Variants in ADCY2 observed in about 807,000 individuals in gnomAD.
ADCY2 encodes adenylate cyclase 2, also known as adenylate cyclase type 2.
Under a neutral mutation model 125.2 loss-of-function variants are expected in ADCY2, and 31 were observed. The observed-to-expected ratio is 0.25, with a 90% CI of 0.19 to 0.33. The LOEUF is 0.33. Ranked by LOEUF, ADCY2 falls within the 10% of genes least tolerant of loss-of-function variation. The probability of loss-of-function intolerance (pLI) is 1.00; values close to 1 mark genes in which losing one functional copy is unlikely to be tolerated. For synonymous variants in ADCY2, 512 were observed against 548.4 expected, an observed-to-expected ratio of 0.93 and a Z score of 0.93; for missense variants, 904 against 1,418.2, an observed-to-expected ratio of 0.64 and a Z score of 5.82.
chr5:7,626,389 A>G (rs1241326255), intron 4 of ADCY2, 73 bp downstream of exon 4: 30 of 1,510,432 alleles, frequency 2.0e-5, no homozygotes, highest in Non-Finnish European at 2.7e-5. Context: ...ATTAATGTTG[A>G]GTGTCGTTCA....
intron 19 of ADCY2, among the ~76,000 whole-genome samples, chr5:7,785,791 G>A (rs1744066479): frequency 6.6e-6 from 1 of 152,112 alleles, no homozygotes; most frequent in Non-Finnish European, 1.5e-5. Context: ...TTTCCTGCTA[G>A]AATCATCTCT....
At chr5:7,446,028 G>A (rs140584143) in intron 2 of ADCY2, among the ~76,000 whole-genome samples, 4 of 152,192 alleles carry the variant, frequency 2.6e-5, no homozygotes, top group African/African-American at 4.8e-5. Flanking sequence ...TAATAGTGGC[G>A]ACAGTTGGCA....
intron 20 of ADCY2, chr5:7,798,573 C>CTTTTTTTTTTTTT (rs150114974): frequency 8.7e-6 from 1 of 115,344 alleles, no homozygotes; most frequent in African/African-American, 3.3e-5. Context: ...TTGACTATTT[C>CTTTTTTTTTTTTT]TTTTTTTTTT....
chr5:7,416,360 T>G (rs1460228433), intron 2 of ADCY2, among the ~76,000 whole-genome samples: 1 of 152,132 alleles, frequency 6.6e-6, no homozygotes, highest in Non-Finnish European at 1.5e-5. Flanking sequence ...CTAGAGCCCC[T>G]TGGAGGGCTG....
intron 22 of ADCY2, 71 bp from the exon 23 acceptor site, chr5:7,816,795 T>A (rs780904199): frequency 6.3e-6 from 8 of 1,272,182 alleles, no homozygotes; most frequent in Non-Finnish European, 8.0e-6. Flanking sequence ...AAGCTCAGGT[T>A]TGGGACAAAG....
intron 3 of ADCY2, among the ~76,000 whole-genome samples, chr5:7,573,548 A>G (rs1216409993): frequency 6.6e-6 from 1 of 151,356 alleles, no homozygotes; most frequent in Non-Finnish European, 1.5e-5. Context: ...GTTACATAAA[A>G]AACTGGGAAA....
intron 1 of ADCY2, among the ~76,000 whole-genome samples, chr5:7,413,333 C>T (rs543171553): frequency 6.6e-6 from 1 of 151,978 alleles, no homozygotes; most frequent in Non-Finnish European, 1.5e-5. Context: ...CTCGCTCTGG[C>T]GCCCAGGCTG....
intron 20 of ADCY2, chr5:7,795,741 C>A (rs1265554435): frequency 1.3e-5 from 2 of 152,214 alleles, no homozygotes; most frequent in Non-Finnish European, 2.9e-5. Flanking sequence ...CGGTTTGGTT[C>A]CAGACCTCTG....
intron 3 of ADCY2, among the ~76,000 whole-genome samples, chr5:7,595,845 G>T (rs1029641365): frequency 6.6e-6 from 1 of 152,116 alleles, no homozygotes; most frequent in Non-Finnish European, 1.5e-5. Flanking sequence ...ATACTCTATT[G>T]TTTAGGGAAT....
intron 4 of ADCY2, among the ~76,000 whole-genome samples, chr5:7,655,182 C>T (rs777276393): frequency 1.3e-5 from 2 of 152,050 alleles, no homozygotes; most frequent in African/African-American, 4.8e-5. Context: ...AGGAAAGGGG[C>T]GCTACGTTCA....
chr5:7,641,890 G>T (rs1348414072), intron 4 of ADCY2, among the ~76,000 whole-genome samples: 1 of 152,148 alleles, frequency 6.6e-6, no homozygotes, highest in Non-Finnish European at 1.5e-5. Flanking sequence ...ATCCCATAGT[G>T]TATCCATACC....
chr5:7,615,421 C>G (rs1737722245), intron 3 of ADCY2, among the ~76,000 whole-genome samples: 1 of 152,132 alleles, frequency 6.6e-6, no homozygotes, highest in African/African-American at 2.4e-5. Context: ...CAAGTGAGAA[C>G]TTGACCAAAT....
chr5:7,434,298 A>G (rs1210667461), intron 2 of ADCY2, among the ~76,000 whole-genome samples: 1 of 152,226 alleles, frequency 6.6e-6, no homozygotes. Context: ...TAGATAAATC[A>G]ATTTGGCATT....
chr5:7,596,379 G>C (rs1332021453), intron 3 of ADCY2, among the ~76,000 whole-genome samples: 1 of 152,072 alleles, frequency 6.6e-6, no homozygotes, highest in South Asian at 2.1e-4. Context: ...TAACAATACA[G>C]TTGTTATTTA....
chr5:7,666,405 A>T (rs1302950895), intron 4 of ADCY2, among the ~76,000 whole-genome samples: 6 of 151,672 alleles, frequency 4.0e-5, no homozygotes, highest in Admixed American at 3.9e-4. Context: ...AGTAGCTGGG[A>T]CTACAGGCGC....
At chr5:7,436,400 G>T (rs1740802081) in intron 2 of ADCY2, among the ~76,000 whole-genome samples, 1 of 152,134 alleles carries the variant, frequency 6.6e-6, no homozygotes, top group Non-Finnish European at 1.5e-5. Flanking sequence ...CTCTATCGTT[G>T]CCTTCTCCAC....
At chr5:7,690,161 T>A (rs1049847754) in intron 4 of ADCY2, among the ~76,000 whole-genome samples, 1 of 152,222 alleles carries the variant, frequency 6.6e-6, no homozygotes, top group African/African-American at 2.4e-5. Context: ...TGACTCCATT[T>A]TTATAATAGC....
chr5:7,428,924 C>T (rs1198702079), intron 2 of ADCY2, among the ~76,000 whole-genome samples: 1 of 152,082 alleles, frequency 6.6e-6, no homozygotes, highest in East Asian at 1.9e-4. Flanking sequence ...GCTAATTGCA[C>T]TGAGTTGAGG....
At chr5:7,818,713 G>T (rs187243021) in intron 23 of ADCY2, among the ~76,000 whole-genome samples, 16 of 151,928 alleles carry the variant, frequency 1.1e-4, no homozygotes, top group Non-Finnish European at 2.2e-4. Flanking sequence ...AACCCCTATC[G>T]GGGGCTCTAC....
Sources: gnomAD v4.1 joint callset for allele counts (sites outside exome capture counted in the v4.1 genomes callset) on GRCh38, gnomAD v4.1.1 for gene constraint, MANE v1.5 for transcripts, NCBI Gene and HGNC (gene_info 2026-07-23, HGNC 2026-07-21) for gene names.